Variants in SUGCT observed in about 807,000 individuals in gnomAD.
SUGCT encodes the protein succinyl-CoA:glutarate-CoA transferase.
SUGCT carries 41 observed loss-of-function variants against 55.0 expected under a neutral mutation model. The observed-to-expected ratio is 0.74, with a 90% CI of 0.58 to 0.97. The LOEUF is 0.97. Among genes scored for constraint, SUGCT ranks in the 50% least tolerant of loss-of-function variants. The pLI is 0.00. For synonymous variants in SUGCT, 187 were observed against 200.4 expected, an observed-to-expected ratio of 0.93 and a Z score of 0.56; for missense variants, 568 against 547.8, an observed-to-expected ratio of 1.04 and a Z score of -0.37.
At chr7:40,419,287 C>T (rs1787176015) in intron 9 of SUGCT, among the ~76,000 whole-genome samples, 1 of 152,058 alleles carries the variant, frequency 6.6e-6, no homozygotes, top group African/African-American at 2.4e-5. Flanking sequence ...AGATCTGATA[C>T]CAGGAATTCA....
At chr7:40,515,975 A>T (rs1424801790) in intron 12 of SUGCT, among the ~76,000 whole-genome samples, 44 of 152,074 alleles carry the variant, frequency 2.9e-4, no homozygotes, top group Non-Finnish European at 1.5e-5. Flanking sequence ...CTTTGCCAAC[A>T]CTTCTTTATT....
chr7:40,432,232 A>G (rs1403676191), intron 9 of SUGCT, among the ~76,000 whole-genome samples: 2 of 152,066 alleles, frequency 1.3e-5, no homozygotes, highest in East Asian at 1.9e-4. Context: ...TTTGAAGGAT[A>G]TTTTTGCTGA....
chr7:41,011,106 C>G, the SUGCT span, among the ~76,000 whole-genome samples: 1 of 152,186 alleles, frequency 6.6e-6, no homozygotes, highest in Non-Finnish European at 1.5e-5. Context: ...CGATTCCAAG[C>G]TCTAGATTAT....
chr7:40,400,737 G>T (rs1786018726), intron 9 of SUGCT, among the ~76,000 whole-genome samples: 1 of 152,134 alleles, frequency 6.6e-6, no homozygotes, highest in African/African-American at 2.4e-5. Context: ...GGATTTCTGT[G>T]CTTATGCATT....
rs373330499 is a variant in SUGCT at position 40,639,010 on chromosome 7, C to T, written c.1090-110424C>T. Among the ~76,000 whole-genome samples the T allele has an allele frequency of 1.6e-3, 238 of 152,278 alleles. 13 individuals carry two copies. In the South Asian group the frequency reaches 0.048, roughly 30 times the overall value. The stretch of plus-strand genomic sequence containing the variant: ...ACACTTTATTTAAATAGAAATCTCA[C>T]GCTATTGAGATTGAATTGGGTGAAC... On this transcript the variant is annotated intron_variant, in intron 12 of 13. Coordinates refer to ENST00000335693, the MANE Select transcript of SUGCT (RefSeq NM_001193313.2).
At chr7:40,789,716 C>G (rs1790212420) in intron 13 of SUGCT, among the ~76,000 whole-genome samples, 1 of 152,108 alleles carries the variant, frequency 6.6e-6, no homozygotes, top group African/African-American at 2.4e-5. Context: ...AAATAGAGTC[C>G]TAAAGAGTAA....
At chr7:40,856,227 GTGA>G (rs970197208) in intron 13 of SUGCT, among the ~76,000 whole-genome samples, 78 of 152,310 alleles carry the variant, frequency 5.1e-4, no homozygotes, top group African/African-American at 1.7e-3. Flanking sequence ...CCATTCATTA[GTGA>G]TGATCCCTTC....
chr7:40,834,831 A>G (rs1792876408), intron 13 of SUGCT, among the ~76,000 whole-genome samples: 1 of 152,226 alleles, frequency 6.6e-6, no homozygotes, highest in African/African-American at 2.4e-5. Flanking sequence ...AGACATCAGT[A>G]ACAAGAAAGA....
chr7:40,376,258 A>G (rs995492504), intron 9 of SUGCT, among the ~76,000 whole-genome samples: 3 of 152,166 alleles, frequency 2.0e-5, no homozygotes, highest in African/African-American at 4.8e-5. Flanking sequence ...AATTTTATGT[A>G]TGTATCTATG....
chr7:40,588,549 A>C (rs1797533248), intron 12 of SUGCT, among the ~76,000 whole-genome samples: 7 of 152,202 alleles, frequency 4.6e-5, no homozygotes, highest in Admixed American at 4.6e-4. Context: ...TCTAACGATT[A>C]GAGTTTTAGG....
chr7:40,712,776 C>T (rs1785794143), intron 12 of SUGCT, among the ~76,000 whole-genome samples: 1 of 152,216 alleles, frequency 6.6e-6, no homozygotes, highest in African/African-American at 2.4e-5. Context: ...GCAGGCCTCA[C>T]ATCTCCATAG....
At chr7:41,019,177 A>G in the SUGCT span, among the ~76,000 whole-genome samples, 1 of 152,194 alleles carries the variant, frequency 6.6e-6, no homozygotes, top group African/African-American at 2.4e-5. Flanking sequence ...AAGTGCTGGG[A>G]TTACAGCCAA....
intron 12 of SUGCT, among the ~76,000 whole-genome samples, chr7:40,633,441 C>T (rs368992052): frequency 2.8e-4 from 42 of 152,088 alleles, no homozygotes; most frequent in African/African-American, 9.7e-4. Flanking sequence ...CTCAGGATTT[C>T]GAACATATTA....
chr7:40,857,514 T>G (rs562112012), intron 13 of SUGCT, among the ~76,000 whole-genome samples: 1 of 152,262 alleles, frequency 6.6e-6, no homozygotes, highest in African/African-American at 2.4e-5. Flanking sequence ...ATACTCTTCA[T>G]TCTAAACTGG....
intron 12 of SUGCT, among the ~76,000 whole-genome samples, chr7:40,578,375 C>T (rs1208019800): frequency 2.0e-5 from 3 of 152,184 alleles, no homozygotes; most frequent in Non-Finnish European, 4.4e-5. Flanking sequence ...CCTCACTCTT[C>T]TTGGCCCCAC....
chr7:40,490,270 G>A (rs560766477), intron 11 of SUGCT, among the ~76,000 whole-genome samples: 1 of 152,298 alleles, frequency 6.6e-6, no homozygotes, highest in African/African-American at 2.4e-5. Context: ...TGGCCAGAAT[G>A]CAGAGCAACC....
At chr7:40,394,899 G>A (rs1785637722) in intron 9 of SUGCT, among the ~76,000 whole-genome samples, 1 of 152,106 alleles carries the variant, frequency 6.6e-6, no homozygotes, top group Admixed American at 6.5e-5. Flanking sequence ...ATATTCCATT[G>A]TTTATACATA....
chr7:40,923,128 G>A, the SUGCT span, among the ~76,000 whole-genome samples: 1 of 152,192 alleles, frequency 6.6e-6, no homozygotes, highest in Admixed American at 6.5e-5. Context: ...CTATAAATGT[G>A]AAGAAAGAGG....
At chr7:40,313,742 C>A (rs577452518) in intron 8 of SUGCT, among the ~76,000 whole-genome samples, 1 of 151,240 alleles carries the variant, frequency 6.6e-6, no homozygotes, top group South Asian at 2.1e-4. Flanking sequence ...GTGATCCCCC[C>A]ATCTGTTTTT....
Sources: allele counts gnomAD v4.1 joint callset (sites outside exome capture counted in the v4.1 genomes callset), GRCh38; gene constraint gnomAD v4.1.1; transcripts MANE v1.5; gene names NCBI Gene and HGNC (gene_info 2026-07-23, HGNC 2026-07-21).